Variants in LAMA2 observed in about 807,000 individuals in gnomAD.
LAMA2 encodes laminin subunit alpha-2.
In LAMA2, 269 loss-of-function variants were observed where a neutral mutation model predicts 364.8. The ratio of observed to expected loss-of-function variants is 0.74; its 90% CI spans 0.67 to 0.82. The LOEUF (loss-of-function observed/expected upper bound fraction) is 0.82, where lower values mean the gene tolerates loss of function less well. LAMA2 is among the 40% of genes least tolerant of loss of function. The pLI, the probability that LAMA2 is intolerant of heterozygous loss-of-function variation, is 0.00. For missense variants in LAMA2, 3,807 were observed against 3,873.2 expected (o/e 0.98, Z 0.45); for synonymous variants, 1,379 against 1,370.6 (o/e 1.01, Z -0.14).
At chr6:129,318,664 C>A (rs891516910) in intron 27 of LAMA2, among the ~76,000 whole-genome samples, 1 of 152,184 alleles carries the variant, frequency 6.6e-6, no homozygotes, top group Admixed American at 6.5e-5. Flanking sequence ...GCTTACAGCT[C>A]ACCACCACTG....
chr6:129,254,213 T>A (rs1401390192), intron 14 of LAMA2, among the ~76,000 whole-genome samples: 1 of 152,250 alleles, frequency 6.6e-6, no homozygotes, highest in African/African-American at 2.4e-5. Flanking sequence ...TTTACTTCCA[T>A]GGCAGTTCTT....
chr6:129,483,009 G>A (rs551661959), intron 55 of LAMA2, among the ~76,000 whole-genome samples: 2 of 149,374 alleles, frequency 1.3e-5, no homozygotes, highest in Non-Finnish European at 3.0e-5. Context: ...CGAGGTTGCA[G>A]TGAGCCGAGA....
intron 9 of LAMA2, among the ~76,000 whole-genome samples, chr6:129,173,035 GCAGGGTGCGCGCA>G (rs1562299223): frequency 1.3e-5 from 2 of 152,164 alleles, no homozygotes; most frequent in Non-Finnish European, 2.9e-5. Context: ...TTCGGCTCGC[GCAGGGTGCGCGCA>G]CCCACTGACC....
intron 44 of LAMA2, among the ~76,000 whole-genome samples, chr6:129,445,035 G>A (rs1186872415): frequency 6.6e-6 from 1 of 152,124 alleles, no homozygotes; most frequent in Non-Finnish European, 1.5e-5. Flanking sequence ...TACAAAAACA[G>A]CTGTTTAATA....
chr6:129,344,866 C>T (rs997494094), intron 30 of LAMA2, among the ~76,000 whole-genome samples: 2 of 152,144 alleles, frequency 1.3e-5, no homozygotes, highest in Admixed American at 6.5e-5. Flanking sequence ...ATGGGCTTGC[C>T]GCCTGAAGCA....
At chr6:129,284,457 T>G (rs1237362031) in intron 18 of LAMA2, among the ~76,000 whole-genome samples, 1 of 152,170 alleles carries the variant, frequency 6.6e-6, no homozygotes, top group Non-Finnish European at 1.5e-5. Flanking sequence ...TCATTCTCCA[T>G]GGACTGTAGT....
chr6:129,126,693 T>A (rs1368333788), intron 4 of LAMA2, among the ~76,000 whole-genome samples: 1 of 151,086 alleles, frequency 6.6e-6, no homozygotes, highest in Non-Finnish European at 1.5e-5. Context: ...TCAATACAAA[T>A]TTTAAAAAAA....
At chr6:128,944,703 C>T (rs183827510) in intron 1 of LAMA2, among the ~76,000 whole-genome samples, 84 of 151,932 alleles carry the variant, frequency 5.5e-4, no homozygotes, top group African/African-American at 1.9e-3. Context: ...ACAGGCTGTA[C>T]AGGAAGCACA....
chr6:129,019,045 G>A (rs1195839132), intron 1 of LAMA2, among the ~76,000 whole-genome samples: 1 of 151,942 alleles, frequency 6.6e-6, no homozygotes, highest in Non-Finnish European at 1.5e-5. Context: ...GCCTGAATTA[G>A]GATTGATTAT....
intron 40 of LAMA2, among the ~76,000 whole-genome samples, chr6:129,407,447 A>T (rs1375545797): frequency 6.6e-6 from 1 of 152,248 alleles, no homozygotes; most frequent in Non-Finnish European, 1.5e-5. Flanking sequence ...ACAACACTTA[A>T]ATGCTGATAT....
chr6:129,474,842 A>G (rs1783988157), intron 52 of LAMA2, among the ~76,000 whole-genome samples: 1 of 152,198 alleles, frequency 6.6e-6, no homozygotes, highest in African/African-American at 2.4e-5. Context: ...GCATTGCATA[A>G]TTACAGTATA....
intron 4 of LAMA2, among the ~76,000 whole-genome samples, chr6:129,129,923 CAAAAAAA>C (rs543305057): frequency 6.3e-4 from 48 of 76,318 alleles, no homozygotes; most frequent in Non-Finnish European, 1.0e-3. Flanking sequence ...GATTCCGTCT[CAAAAAAA>C]AAAAAAAAAA....
At chr6:129,230,280 G>T (rs2115127355) in intron 12 of LAMA2, among the ~76,000 whole-genome samples, 1 of 152,230 alleles carries the variant, frequency 6.6e-6, no homozygotes, top group South Asian at 2.1e-4. Context: ...GCCAAATAAG[G>T]TAAGAAATGA....
At chr6:129,450,657 A>G (rs1294748220) in intron 45 of LAMA2, among the ~76,000 whole-genome samples, 2 of 152,180 alleles carry the variant, frequency 1.3e-5, no homozygotes, top group African/African-American at 2.4e-5. Context: ...ATTTATTAGG[A>G]ATTAAACTAG....
At chr6:129,036,918 C>T (rs1030093687) in intron 1 of LAMA2, among the ~76,000 whole-genome samples, 1 of 152,160 alleles carries the variant, frequency 6.6e-6, no homozygotes, top group African/African-American at 2.4e-5. Context: ...TCATCTGCAT[C>T]GTGGATCAAA....
intron 12 of LAMA2, among the ~76,000 whole-genome samples, chr6:129,214,417 C>T (rs1376368293): frequency 6.6e-6 from 1 of 152,186 alleles, no homozygotes; most frequent in Admixed American, 6.5e-5. Context: ...CAAGGCACCA[C>T]CTCTCAACAT....
chr6:129,057,658 G>T (rs1485927443), intron 2 of LAMA2, among the ~76,000 whole-genome samples: 1 of 152,158 alleles, frequency 6.6e-6, no homozygotes, highest in Non-Finnish European at 1.5e-5. Flanking sequence ...GACACATAAT[G>T]TTGAATGATT....
In LAMA2 at chr6:129,037,893, T is replaced by A. The variant is rs751680077; in HGVS notation, c.113-12025T>A. Among the ~76,000 whole-genome samples, 8 of 152,202 alleles carry A rather than the reference T, an allele frequency of 5.3e-5. No homozygotes were observed. In the Middle Eastern group the frequency reaches 0.01, roughly 194 times the overall value. ...ACCGTGTTAGCCAGGATGGTCTTGATCTCCTGACCTCGTGATCTGCCCACC... is the reference window on the plus strand; with the variant it reads ...ACCGTGTTAGCCAGGATGGTCTTGAACTCCTGACCTCGTGATCTGCCCACC... On this transcript the variant is annotated intron_variant, in intron 1 of 64. Transcript: ENST00000421865.
chr6:128,917,522 A>G (rs891201512), intron 1 of LAMA2, among the ~76,000 whole-genome samples: 2 of 152,058 alleles, frequency 1.3e-5, no homozygotes, highest in Non-Finnish European at 2.9e-5. Flanking sequence ...ATATTGTTAC[A>G]GTTAGTCCTT....
Sources: allele counts gnomAD v4.1 joint callset (sites outside exome capture counted in the v4.1 genomes callset), GRCh38; gene constraint gnomAD v4.1.1; transcripts MANE v1.5; gene names NCBI Gene and HGNC (gene_info 2026-07-23, HGNC 2026-07-21).